Variants in CSPP1 observed in about 807,000 individuals in gnomAD.
CSPP1 encodes centrosome and spindle pole-associated protein 1.
In CSPP1, 126 loss-of-function variants were observed where a neutral mutation model predicts 164.4. The observed-to-expected ratio is 0.77, with a 90% CI of 0.66 to 0.89. CSPP1 has a LOEUF of 0.89. Ranked by LOEUF, CSPP1 falls within the 40% of genes least tolerant of loss-of-function variation. The probability of loss-of-function intolerance (pLI) is 0.00; values close to 1 mark genes in which losing one functional copy is unlikely to be tolerated. For synonymous variants in CSPP1, 472 were observed against 476.7 expected (o/e 0.99, Z 0.13); for missense variants, 1,395 against 1,449.8 (o/e 0.96, Z 0.61).
chr8:67,161,905 C>T lies in CSPP1; in HGVS notation c.2633C>T (p.Ser878Phe), dbSNP rs2129561809. 1.3e-6 allele frequency: 2 copies of T among 1,598,534 alleles called. No homozygotes were observed. Among genetic ancestry groups the T allele is most frequent in the Non-Finnish European group, 1.7e-6 (2 of 1,166,384 alleles). ...CCTTCAGTTGACAGCATCATACGTT[C>T]CTTTATTCATGTATGTACTTTTGTT... The part of the protein sequence containing the change: ...RPPSVDSIIR[S>F]FIHESSMSRA... Residue 878 changes from serine (S) to phenylalanine (F), a missense_variant, in exon 22 of 31, where the codon TCC becomes TTC. By Grantham distance (155) the Ser-to-Phe change is radical. Coordinates refer to ENST00000678616, the MANE Select transcript of CSPP1 (RefSeq NM_001382391.1).
Position 67,127,200 on chromosome 8 carries a change from T to G in CSPP1, c.1698-4751T>G, listed in dbSNP as rs1029330010. On this transcript the variant is annotated intron_variant, in intron 15 of 30. Coordinates refer to ENST00000678616, the MANE Select transcript of CSPP1 (RefSeq NM_001382391.1). ...TCCTGGGATTGTTCCAAGCCTTCCA[T>G]GAATTTCCAAATTACTTAGCTCAAG... is the stretch of plus-strand genomic sequence containing the variant. 2.6e-5 allele frequency among the ~76,000 whole-genome samples: 4 copies of G among 152,214 alleles called. No individual in the cohort carries two copies. The East Asian group carries it at 5.8e-4, about 22-fold the overall frequency.
At chr8:67,065,123 T>G (rs1227280941) in intron 1 of CSPP1, among the ~76,000 whole-genome samples, 1 of 152,218 alleles carries the variant, frequency 6.6e-6, no homozygotes, top group African/African-American at 2.4e-5. Context: ...GGAGCGCTTG[T>G]GCGCACTGCT....
In CSPP1 at chr8:67,190,784, T is replaced by C. The variant is rs1359833298; in HGVS notation, c.3330+25T>C. ...TGTATGTATGAGACTTTTCTCCCCC[T>C]TTTCAACTTAGAAGAATGAGAGGTC... On this transcript the variant is annotated intron_variant, in intron 29 of 30. Coordinates refer to ENST00000678616, the MANE Select transcript of CSPP1 (RefSeq NM_001382391.1). 5 of 1,509,728 alleles carry C rather than the reference T, an allele frequency of 3.3e-6. No homozygotes were observed. In the African/African-American group the frequency reaches 4.1e-5, roughly 12 times the overall value. The allele number at this position is 1,509,728 out of a possible 1,614,324, so 93.5% of individuals were successfully genotyped here. A position where few individuals can be genotyped will look rare whatever the true frequency, so the allele number is the denominator to read the frequency against.
intron 17 of CSPP1, among the ~76,000 whole-genome samples, chr8:67,138,554 T>C (rs1036194290): frequency 5.3e-5 from 8 of 152,210 alleles, no homozygotes; most frequent in African/African-American, 1.9e-4. Context: ...TACAAAGGGC[T>C]GTTGTATATA....
At chr8:67,184,622 G>A (rs188947045) in intron 28 of CSPP1, among the ~76,000 whole-genome samples, 185 of 152,166 alleles carry the variant, frequency 1.2e-3, no homozygotes, top group Non-Finnish European at 2.3e-3. Context: ...CTATCTGGGA[G>A]GCTGAGGCAG....
chr8:67,166,870 G>A (rs904188790), intron 24 of CSPP1, among the ~76,000 whole-genome samples: 2 of 152,084 alleles, frequency 1.3e-5, no homozygotes, highest in Non-Finnish European at 2.9e-5. Flanking sequence ...AGGACCCTGC[G>A]GCCTTCCGCA....
intron 4 of CSPP1, among the ~76,000 whole-genome samples, chr8:67,090,442 A>G (rs956990207): frequency 3.3e-5 from 5 of 151,884 alleles, no homozygotes; most frequent in East Asian, 1.9e-4. Context: ...CGCGGCCCCA[A>G]GCCCGGCTAA....
chr8:67,101,592 GTGATCTGTGATCGATTAAAAAA>G (rs1814129802), intron 7 of CSPP1, among the ~76,000 whole-genome samples: 1 of 152,150 alleles, frequency 6.6e-6, no homozygotes, highest in Admixed American at 6.5e-5. Context: ...ATGTGTGTAT[GTGATCTGTGATCGATTAAAAAA>G]TGGAAGCCAT....
intron 7 of CSPP1, among the ~76,000 whole-genome samples, chr8:67,099,925 T>TA (rs1466831683): frequency 6.6e-6 from 1 of 151,948 alleles, no homozygotes; most frequent in Admixed American, 6.6e-5. Flanking sequence ...ATTGGTAATT[T>TA]AAAAAAAATT....
At chr8:67,087,079 T>A (rs1386060256) in intron 4 of CSPP1, among the ~76,000 whole-genome samples, 1 of 152,192 alleles carries the variant, frequency 6.6e-6, no homozygotes, top group African/African-American at 2.4e-5. Context: ...TGATTCCTGC[T>A]TTGCATTTGT....
At chr8:67,160,825 T>G (rs896242794) in intron 21 of CSPP1, among the ~76,000 whole-genome samples, 29 of 151,908 alleles carry the variant, frequency 1.9e-4, no homozygotes, top group African/African-American at 6.8e-4. Context: ...TTTATTTTTA[T>G]TTATTTATTT....
At chr8:67,154,739 G>A (rs762375576) in intron 19 of CSPP1, among the ~76,000 whole-genome samples, 1 of 152,244 alleles carries the variant, frequency 6.6e-6, no homozygotes, top group East Asian at 1.9e-4. Flanking sequence ...GACCTCAAGT[G>A]ATCTGCCTGC....
chr8:67,167,204 C>T (rs1281424760), intron 24 of CSPP1, among the ~76,000 whole-genome samples: 2 of 152,244 alleles, frequency 1.3e-5, no homozygotes, highest in African/African-American at 2.4e-5. Flanking sequence ...AAACCGCAAT[C>T]ATCATCATGG....
intron 4 of CSPP1, 124 bp downstream of exon 4, chr8:67,086,234 T>G (rs758707652): frequency 2.6e-6 from 2 of 754,842 alleles, no homozygotes; most frequent in Non-Finnish European, 4.9e-6. Context: ...AAAGTAGTAG[T>G]ATAGTCAAAG....
intron 8 of CSPP1, among the ~76,000 whole-genome samples, chr8:67,104,156 T>G (rs990585982): frequency 6.6e-6 from 1 of 152,192 alleles, no homozygotes; most frequent in African/African-American, 2.4e-5. Flanking sequence ...CTAAGAAAAG[T>G]AATATATAAA....
At position 67,102,984 on chromosome 8, in the gene CSPP1, T is replaced by G. The variant is rs7824359; in HGVS notation, c.924-53T>G. 1.2e-5 allele frequency: 12 copies of G among 1,027,144 alleles called. No individual in the cohort carries two copies. In the African/African-American group the frequency reaches 1.9e-4, roughly 16 times the overall value. 63.6% of individuals were successfully genotyped at this position (1,027,144 alleles called of 1,614,324 possible). A position where few individuals can be genotyped will look rare whatever the true frequency, so the allele number is the denominator to read the frequency against. ...CAAATGTAAAAACACCAAACTGTTATAAGAAGGTCCACTGTATGTGGCACA... is the reference window on the plus strand; with the variant it reads ...CAAATGTAAAAACACCAAACTGTTAGAAGAAGGTCCACTGTATGTGGCACA... On this transcript the variant is annotated intron_variant, in intron 7 of 30. Coordinates refer to ENST00000678616, the MANE Select transcript of CSPP1 (RefSeq NM_001382391.1).
At chr8:67,075,658 G>A (rs1379280856) in intron 2 of CSPP1, among the ~76,000 whole-genome samples, 1 of 152,212 alleles carries the variant, frequency 6.6e-6, no homozygotes, top group East Asian at 1.9e-4. Flanking sequence ...CTTGTCCTCG[G>A]AACCAACATA....
At chr8:67,066,566 C>G (rs1391396644) in intron 1 of CSPP1, among the ~76,000 whole-genome samples, 1 of 152,000 alleles carries the variant, frequency 6.6e-6, no homozygotes, top group African/African-American at 2.4e-5. Context: ...ATCTTTATTT[C>G]CAGCCTGGGT....
At chr8:67,184,817 C>T (rs958447970) in intron 28 of CSPP1, among the ~76,000 whole-genome samples, 3 of 147,228 alleles carry the variant, frequency 2.0e-5, no homozygotes, top group South Asian at 2.1e-4. Context: ...TAAAAACAGT[C>T]GGCCGGGCAC....
Sources: allele counts gnomAD v4.1 joint callset (sites outside exome capture counted in the v4.1 genomes callset), GRCh38; gene constraint gnomAD v4.1.1; transcripts MANE v1.5; gene names NCBI Gene and HGNC (gene_info 2026-07-23, HGNC 2026-07-21).